CC2D2A: variants seen among roughly 807,000 people sequenced by gnomAD.
The protein encoded by CC2D2A is coiled-coil and C2 domain-containing protein 2A.
Under a neutral mutation model 212.9 loss-of-function variants are expected in CC2D2A, and 155 were observed. The ratio of observed to expected loss-of-function variants is 0.73; its 90% CI spans 0.64 to 0.83. CC2D2A has a LOEUF of 0.83. Among genes scored for constraint, CC2D2A ranks in the 40% least tolerant of loss-of-function variants. The probability of loss-of-function intolerance (pLI) is 0.00; values close to 1 mark genes in which losing one functional copy is unlikely to be tolerated. For synonymous variants in CC2D2A, 667 were observed against 686.5 expected (o/e 0.97, Z 0.44); for missense variants, 1,856 against 1,956.2 (o/e 0.95, Z 0.97).
At chr4:15,509,749 AACCC>A (rs1477002779) in intron 6 of CC2D2A, among the ~76,000 whole-genome samples, 4 of 152,166 alleles carry the variant, frequency 2.6e-5, no homozygotes, top group Non-Finnish European at 5.9e-5. Context: ...TCATTGTGTG[AACCC>A]ATTGTGTGAA....
intron 20 of CC2D2A, 51 bp from the exon 21 acceptor site, chr4:15,557,253 T>C: frequency 2.3e-6 from 3 of 1,321,470 alleles, no homozygotes; most frequent in Non-Finnish European, 3.2e-6. Flanking sequence ...CAAGTTTCTT[T>C]GGATGAGATC....
rs1205610996 is a variant in CC2D2A, at chr4:15,483,094, A to C, written c.247+2267A>C. Among the ~76,000 whole-genome samples the C allele has an allele frequency of 2.0e-5, 3 of 152,244 alleles. No individual in the cohort carries two copies. The East Asian group carries it at 5.8e-4, about 29-fold the overall frequency. On this transcript the variant is annotated intron_variant, in intron 4 of 36. Transcript: ENST00000424120. Reference sequence around the variant, plus strand: ...CAGTGAGGGGTGGAGCATATGGTGGATAAGGAGTCTGTGGAGCCAGGCATC... The same window carrying C: ...CAGTGAGGGGTGGAGCATATGGTGGCTAAGGAGTCTGTGGAGCCAGGCATC...
chr4:15,585,263 A>G (rs1720814985), intron 30 of CC2D2A, among the ~76,000 whole-genome samples: 2 of 152,232 alleles, frequency 1.3e-5, no homozygotes, highest in African/African-American at 4.8e-5. Flanking sequence ...TCTATGGATG[A>G]ATGAATAAAG....
chr4:15,507,906 A>G (rs1443789063), intron 6 of CC2D2A, among the ~76,000 whole-genome samples: 1 of 152,186 alleles, frequency 6.6e-6, no homozygotes, highest in Non-Finnish European at 1.5e-5. Flanking sequence ...GAGAGGGACC[A>G]AAGGTCACTG....
rs766343689 is a variant in CC2D2A at position 15,599,560 on chromosome 4, G to A, written c.4528G>A (p.Asp1510Asn). Reference protein sequence around the residue: ...IEKILKEKIMDWRPRHLTRWN... With the variant: ...IEKILKEKIMNWRPRHLTRWN... ...AAAAATACTAAAAGAAAAAATCATG[G>A]ACTGGAGGCCACGCCATCTGACTCG... Residue 1510 changes from aspartate to asparagine, a missense_variant, in exon 36 of 37, where the codon GAC becomes AAC. This residue lies in a region of CC2D2A where 285 missense variants were observed against 278.4 expected (regional missense o/e 1.02). Coordinates refer to ENST00000424120, the MANE Select transcript of CC2D2A (RefSeq NM_001378615.1). 6 of 1,586,354 alleles carry A rather than the reference G, an allele frequency of 3.8e-6. No individual in the cohort carries two copies. The South Asian group carries it at 4.6e-5, about 12-fold the overall frequency.
chr4:15,560,122 G>A (rs1017062053), intron 22 of CC2D2A, among the ~76,000 whole-genome samples: 7 of 152,166 alleles, frequency 4.6e-5, no homozygotes, highest in Middle Eastern at 3.4e-3. Context: ...ATGAGCCACC[G>A]CGCCCAGCCA....
intron 30 of CC2D2A, among the ~76,000 whole-genome samples, chr4:15,580,863 G>C (rs1012727817): frequency 6.6e-6 from 1 of 152,122 alleles, no homozygotes; most frequent in Non-Finnish European, 1.5e-5. Flanking sequence ...TACGCCTAAT[G>C]CTATATGCAT....
At chr4:15,510,809 T>C (rs1430962005) in intron 7 of CC2D2A, among the ~76,000 whole-genome samples, 1 of 151,918 alleles carries the variant, frequency 6.6e-6, no homozygotes. Flanking sequence ...GCTTTCATTA[T>C]AGGAAAAAAG....
intron 4 of CC2D2A, among the ~76,000 whole-genome samples, chr4:15,484,148 A>T (rs1253239630): frequency 2.0e-5 from 3 of 152,334 alleles, no homozygotes; most frequent in South Asian, 4.1e-4. Context: ...GAAGAGAAAG[A>T]TAAAGAATAA....
chr4:15,527,945 T>A (rs1052178375), intron 12 of CC2D2A, among the ~76,000 whole-genome samples: 7 of 152,326 alleles, frequency 4.6e-5, no homozygotes, highest in Non-Finnish European at 7.3e-5. Context: ...TGGCTATTAC[T>A]TGCTTCCGTG....
intron 33 of CC2D2A, among the ~76,000 whole-genome samples, chr4:15,590,541 C>T (rs193250950): frequency 5.1e-4 from 77 of 152,188 alleles, no homozygotes; most frequent in Non-Finnish European, 7.8e-4. Flanking sequence ...TGCGATCAGA[C>T]TGCCTCAGTT....
chr4:15,559,720 A>AC (rs71179638), intron 22 of CC2D2A, among the ~76,000 whole-genome samples: 27,322 of 152,040 alleles, frequency 0.18, 2,891 homozygotes, highest in African/African-American at 0.29. Flanking sequence ...CACAAATGCT[A>AC]AGTGACTACA....
intron 1 of CC2D2A, among the ~76,000 whole-genome samples, chr4:15,471,100 G>C (rs919697436): frequency 1.3e-5 from 2 of 151,988 alleles, no homozygotes; most frequent in African/African-American, 4.8e-5. Flanking sequence ...TAAAGCTATT[G>C]GTCACTAACC....
chr4:15,557,564 G>A, intron 21 of CC2D2A, 57 bp downstream of exon 21: 2 of 1,168,816 alleles, frequency 1.7e-6, no homozygotes, highest in Non-Finnish European at 2.4e-6. Context: ...TGTGCTGTTA[G>A]GTATACTACT....
chr4:15,470,689 C>CTCTCTCTATA (rs1713728306), intron 1 of CC2D2A, among the ~76,000 whole-genome samples: 2 of 50,668 alleles, frequency 3.9e-5, no homozygotes, highest in Non-Finnish European at 7.3e-5. Flanking sequence ...CTCTCTCTCT[C>CTCTCTCTATA]TATATATATA....
At chr4:15,521,449 T>C (rs1717196435) in intron 11 of CC2D2A, among the ~76,000 whole-genome samples, 1 of 152,170 alleles carries the variant, frequency 6.6e-6, no homozygotes, top group Non-Finnish European at 1.5e-5. Flanking sequence ...AAATAGCTTT[T>C]CCATTATTCC....
intron 11 of CC2D2A, among the ~76,000 whole-genome samples, chr4:15,525,510 C>T (rs910452178): frequency 1.9e-4 from 29 of 152,086 alleles, no homozygotes; most frequent in Non-Finnish European, 2.8e-4. Context: ...AATACTTATA[C>T]CTGAATGAAA....
At chr4:15,489,472 T>C (rs2108984740) in intron 4 of CC2D2A, among the ~76,000 whole-genome samples, 1 of 152,262 alleles carries the variant, frequency 6.6e-6, no homozygotes, top group South Asian at 2.1e-4. Context: ...CTGGGAAGAC[T>C]AAATTAAAGT....
chr4:15,515,514 A>G (rs112834797), intron 9 of CC2D2A, among the ~76,000 whole-genome samples: 2,152 of 152,318 alleles, frequency 0.014, 51 homozygotes, highest in African/African-American at 0.049. Flanking sequence ...TCTCTTTTGT[A>G]CAGGAGGAGA....
Sources: allele counts gnomAD v4.1 joint callset (sites outside exome capture counted in the v4.1 genomes callset), GRCh38; gene constraint gnomAD v4.1.1; regional missense constraint gnomAD v4.1.1; transcripts MANE v1.5; gene names NCBI Gene and HGNC (gene_info 2026-07-23, HGNC 2026-07-21).